The following GNB1 variants were observed in gnomAD, a reference collection of about 807,000 sequenced individuals.
GNB1 encodes guanine nucleotide-binding protein G(I)/G(S)/G(T) subunit beta-1.
A neutral mutation model predicts 42.9 loss-of-function variants in GNB1; 2 were observed. The observed-to-expected ratio is 0.05, with a 90% confidence interval of 0.02 to 0.15. GNB1 has a LOEUF of 0.15. GNB1 is among the 10% of genes least tolerant of loss of function. The pLI is 1.00. For missense variants in GNB1, 193 were observed against 462.2 expected (o/e 0.42, Z 5.34); for synonymous variants, 183 against 174.7 (o/e 1.05, Z -0.38).
chr1:1,840,671 ACTT>A (rs763810364), intron 1 of GNB1, among the ~76,000 whole-genome samples: 15 of 152,186 alleles, frequency 9.9e-5, no homozygotes, highest in Non-Finnish European at 1.9e-4. Flanking sequence ...CTAAATAACT[ACTT>A]TGTGAGTCCT....
Position 1,787,148 on chromosome 1 carries a change from G to C in GNB1, c.*10-95C>G, listed in dbSNP as rs1169396492. 2 of 526,462 alleles carry C rather than the reference G, an allele frequency of 3.8e-6. No homozygotes were observed. The highest frequency in any genetic ancestry group is 3.4e-6 in the Non-Finnish European group (1 of 291,400). 32.6% of individuals were successfully genotyped at this position (526,462 alleles called of 1,614,324 possible). The stretch of plus-strand genomic sequence containing the variant: ...CACTGCTCTTCCCATCACTGCATGA[G>C]TGTCTGCAGCTGAGGGCACGTGACT... On this transcript the variant is annotated intron_variant, in intron 11 of 11. Transcript: ENST00000378609. The surrounding 1 kb of genome is among the most constrained non-coding windows in gnomAD (Gnocchi z 4.4).
At chr1:1,830,533 G>GCCA in intron 2 of GNB1, among the ~76,000 whole-genome samples, 1 of 152,172 alleles carries the variant, frequency 6.6e-6, no homozygotes, top group Non-Finnish European at 1.5e-5. Context: ...ACAAGAGTGA[G>GCCA]CCACCGCGCC....
chr1:1,884,685 CT>C (rs546281492), intron 1 of GNB1, among the ~76,000 whole-genome samples: 465 of 144,456 alleles, frequency 3.2e-3, no homozygotes, highest in Admixed American at 3.9e-3. Context: ...TATTCCCATT[CT>C]TTTTTTTTTT....
In GNB1 at chr1:1,879,096, C is replaced by T. The variant is rs373010287; in HGVS notation, c.-96+11724G>A. Among the ~76,000 whole-genome samples the T allele has an allele frequency of 3.6e-4, 55 of 152,304 alleles. No homozygotes were observed. The East Asian group carries it at 5.8e-3, about 16-fold the overall frequency. ...ACCTCTGACAAATCTCTGAGTTCTC[C>T]TCCCCAGGAAAAGGCACAATCCTAC... On this transcript the variant is annotated intron_variant, in intron 1 of 11. Coordinates refer to ENST00000378609, the MANE Select transcript of GNB1 (RefSeq NM_002074.5).
chr1:1,789,369 C>T (rs972260036), intron 9 of GNB1, 100 bp from the exon 10 acceptor site: 5 of 703,470 alleles, frequency 7.1e-6, no homozygotes, highest in Non-Finnish European at 1.3e-5. Context: ...ACACAGCAGG[C>T]AAAGACCAGC....
chr1:1,877,464 T>C (rs1416191396), intron 1 of GNB1, among the ~76,000 whole-genome samples: 1 of 151,868 alleles, frequency 6.6e-6, no homozygotes, highest in Non-Finnish European at 1.5e-5. Flanking sequence ...TTATAGATTT[T>C]TGCTGTATGT....
At chr1:1,845,917 A>G (rs1647636754) in intron 1 of GNB1, among the ~76,000 whole-genome samples, 1 of 150,772 alleles carries the variant, frequency 6.6e-6, no homozygotes, top group Non-Finnish European at 1.5e-5. Flanking sequence ...GGAAGCAACG[A>G]CCTCTCCACA....
At chr1:1,885,095 G>GGCAAAATAGGTTCAACA (rs1040882872) in intron 1 of GNB1, among the ~76,000 whole-genome samples, 6 of 152,000 alleles carry the variant, frequency 3.9e-5, no homozygotes, top group Non-Finnish European at 5.9e-5. Flanking sequence ...TTTTATCTAT[G>GGCAAAATAGGTTCAACA]GCAAAATAGG....
intron 1 of GNB1, among the ~76,000 whole-genome samples, chr1:1,866,355 C>CA (rs1648939807): frequency 6.6e-6 from 1 of 152,210 alleles, no homozygotes; most frequent in Non-Finnish European, 1.5e-5. Flanking sequence ...TTTCACAAGT[C>CA]AATCAAATGA....
intron 1 of GNB1, among the ~76,000 whole-genome samples, chr1:1,858,403 T>C (rs1038875769): frequency 1.3e-5 from 2 of 152,212 alleles, no homozygotes; most frequent in African/African-American, 4.8e-5. Flanking sequence ...ATTCTGCATG[T>C]TGGAGAGGCC....
intron 1 of GNB1, among the ~76,000 whole-genome samples, chr1:1,846,013 C>T (rs1647643273): frequency 7.8e-6 from 1 of 128,738 alleles, no homozygotes; most frequent in South Asian, 2.4e-4. Context: ...CCCTCAAGGT[C>T]TGGCACAGGA....
At position 1,790,900 on chromosome 1, in the gene GNB1, G is replaced by A. The variant is rs1646473070; in HGVS notation, c.498-304C>T. 6.6e-6 allele frequency among the ~76,000 whole-genome samples: 1 copy of A among 152,146 alleles called. No individual in the cohort carries two copies. The highest frequency in any genetic ancestry group is 2.1e-4 in the South Asian group (1 of 4,834). The stretch of plus-strand genomic sequence containing the variant: ...GGGGCACTTTTCAAGCAGCACCACT[G>A]AGGCTGTGCCCCCTCTTTGGTCATG... On this transcript the variant is annotated intron_variant, in intron 8 of 11. Coordinates refer to ENST00000378609, the MANE Select transcript of GNB1 (RefSeq NM_002074.5). The surrounding 1 kb of genome is among the most constrained non-coding windows in gnomAD (Gnocchi z 5.4).
chr1:1,848,854 T>G (rs1355078161), intron 1 of GNB1, among the ~76,000 whole-genome samples: 1 of 152,214 alleles, frequency 6.6e-6, no homozygotes, highest in Non-Finnish European at 1.5e-5. Context: ...GCATTTTACT[T>G]CTACATGTTT....
intron 1 of GNB1, among the ~76,000 whole-genome samples, chr1:1,854,313 TCTGA>T (rs1648149159): frequency 6.6e-6 from 1 of 152,174 alleles, no homozygotes; most frequent in Non-Finnish European, 1.5e-5. Context: ...TCCCTGAGAT[TCTGA>T]CTTATTCCTA....
intron 5 of GNB1, among the ~76,000 whole-genome samples, chr1:1,812,628 C>A (rs1288572632): frequency 6.6e-6 from 1 of 152,148 alleles, no homozygotes; most frequent in Non-Finnish European, 1.5e-5. Flanking sequence ...GAACATGGAC[C>A]AATGTGGCAC....
At chr1:1,866,309 G>C (rs1371452796) in intron 1 of GNB1, among the ~76,000 whole-genome samples, 1 of 152,200 alleles carries the variant, frequency 6.6e-6, no homozygotes, top group South Asian at 2.1e-4. Flanking sequence ...GTTTCACAGG[G>C]ATGTCTTCCA....
chr1:1,853,721 T>C (rs533345468), intron 1 of GNB1, among the ~76,000 whole-genome samples: 1 of 152,302 alleles, frequency 6.6e-6, no homozygotes, highest in South Asian at 2.1e-4. Flanking sequence ...TCAGGCTATT[T>C]AGAATGACAC....
chr1:1,815,931 G>T (rs565493394), intron 4 of GNB1, 69 bp from the exon 5 acceptor site: 113 of 969,998 alleles, frequency 1.2e-4, no homozygotes, highest in Middle Eastern at 2.1e-4. Context: ...ACCCATCCTT[G>T]TCAAGGCTGT....
intron 3 of GNB1, among the ~76,000 whole-genome samples, chr1:1,820,678 G>C (rs1646920112): frequency 6.6e-6 from 1 of 152,142 alleles, no homozygotes; most frequent in Non-Finnish European, 1.5e-5. Flanking sequence ...TTAAAATGGA[G>C]AAAATAAAAC....
Sources: gnomAD v4.1 joint callset for allele counts (sites outside exome capture counted in the v4.1 genomes callset) on GRCh38, gnomAD v4.1.1 for gene constraint, Gnocchi (gnomAD v3.1) non-coding constraint, MANE v1.5 for transcripts, NCBI Gene and HGNC (gene_info 2026-07-23, HGNC 2026-07-21) for gene names.